Variants in COL11A1 observed in about 807,000 individuals in gnomAD.
The protein encoded by COL11A1 is collagen type XI alpha 1 chain.
A neutral mutation model predicts 265.2 loss-of-function variants in COL11A1; 74 were observed. The ratio of observed to expected loss-of-function variants is 0.28; its 90% CI spans 0.23 to 0.34. The LOEUF is 0.34. Ranked by LOEUF, COL11A1 falls within the 10% of genes least tolerant of loss-of-function variation. The pLI, the probability that COL11A1 is intolerant of heterozygous loss-of-function variation, is 1.00. For synonymous variants in COL11A1, 816 were observed against 727.6 expected (o/e 1.12, Z -1.96); for missense variants, 2,165 against 2,263.6 (o/e 0.96, Z 0.88).
At chr1:102,978,185 C>G (rs922642176) in intron 35 of COL11A1, among the ~76,000 whole-genome samples, 1 of 152,062 alleles carries the variant, frequency 6.6e-6, no homozygotes, top group Non-Finnish European at 1.5e-5. Context: ...AAAGGGCATG[C>G]TTGTTCATAT....
chr1:102,940,350 A>G lies in COL11A1; in HGVS notation c.3361T>C (p.Ser1121Pro). The G allele has an allele frequency of 6.2e-7, 1 of 1,613,858 alleles. No homozygotes were observed. The highest frequency in any genetic ancestry group is 8.5e-7 in the Non-Finnish European group (1 of 1,179,856). The change falls in exon 43 of 67, where the codon TCC becomes CCC. Residue 1121 changes from serine (S) to proline (P), a missense_variant. Physicochemically the swap from Ser to Pro is moderately conservative, Grantham distance 74. Transcript: ENST00000370096. Reference sequence around the variant, plus strand: ...ACCTTGTCTCCGTCTTCCCCAGGGGAGCCGGCAGGACCAGCTGGCCCTGGG... The same window carrying G: ...ACCTTGTCTCCGTCTTCCCCAGGGGGGCCGGCAGGACCAGCTGGCCCTGGG... ...GLPGPAGPAG[S>P]PGEDGDKGEI...
At chr1:102,993,892 G>A (rs553096543) in intron 28 of COL11A1, among the ~76,000 whole-genome samples, 1 of 152,108 alleles carries the variant, frequency 6.6e-6, no homozygotes, top group South Asian at 2.1e-4. Flanking sequence ...TTGATCTATG[G>A]TTTATTGAAT....
intron 28 of COL11A1, among the ~76,000 whole-genome samples, chr1:102,991,033 AAAAAC>A (rs997298010): frequency 6.6e-6 from 1 of 152,074 alleles, no homozygotes; most frequent in African/African-American, 2.4e-5. Flanking sequence ...ACTCCATCTC[AAAAAC>A]AAAACAAAAC....
chr1:102,931,558 A>T (rs138751956), intron 46 of COL11A1, among the ~76,000 whole-genome samples: 9,022 of 152,180 alleles, frequency 0.059, 324 homozygotes, highest in Non-Finnish European at 0.085. Context: ...GCTGAAAAAA[A>T]TGTATATTCT....
At chr1:102,899,963 T>C (rs1652979369) in intron 54 of COL11A1, among the ~76,000 whole-genome samples, 1 of 152,128 alleles carries the variant, frequency 6.6e-6, no homozygotes, top group Non-Finnish European at 1.5e-5. Flanking sequence ...CAACGTGCAT[T>C]GCTTCAGTGA....
chr1:102,967,368 G>GT (rs1490701576), intron 37 of COL11A1, among the ~76,000 whole-genome samples: 1 of 147,524 alleles, frequency 6.8e-6, no homozygotes, highest in Admixed American at 6.9e-5. Context: ...AGCCTCCAGA[G>GT]TAGCTGGGAC....
Position 103,026,209 on chromosome 1 carries a change from T to G in COL11A1, c.897+7A>C. ...CACCACATACACAGGCACTGCTTTG[T>G]TTTTACCTCCGTCTGTGCTATTGTC... On this transcript the variant is annotated splice_region_variant and intron_variant, in intron 6 of 66. Transcript: ENST00000370096. 1 of 1,598,314 alleles carries G rather than the reference T, an allele frequency of 6.3e-7. No homozygotes were observed.
intron 54 of COL11A1, among the ~76,000 whole-genome samples, chr1:102,902,652 G>T (rs913363632): frequency 2.0e-5 from 3 of 151,562 alleles, no homozygotes; most frequent in Non-Finnish European, 2.9e-5. Context: ...TACTTGGAAG[G>T]CACAGTTTTG....
At chr1:102,900,938 T>A (rs1243883997) in intron 54 of COL11A1, among the ~76,000 whole-genome samples, 1 of 152,120 alleles carries the variant, frequency 6.6e-6, no homozygotes, top group Non-Finnish European at 1.5e-5. Context: ...GCAGATATAC[T>A]TTTCCTGAGA....
intron 4 of COL11A1, among the ~76,000 whole-genome samples, chr1:103,036,163 T>C (rs983812077): frequency 6.6e-6 from 1 of 151,470 alleles, no homozygotes; most frequent in African/African-American, 2.4e-5. Flanking sequence ...CTACTTGGAA[T>C]TGTGCATCAC....
intron 1 of COL11A1, among the ~76,000 whole-genome samples, chr1:103,088,568 A>G (rs1311538834): frequency 6.6e-6 from 1 of 152,224 alleles, no homozygotes; most frequent in Admixed American, 6.5e-5. Context: ...TCATAAAGAA[A>G]GTTTTTATTG....
intron 1 of COL11A1, among the ~76,000 whole-genome samples, chr1:103,083,704 A>G (rs963030322): frequency 6.6e-6 from 1 of 152,174 alleles, no homozygotes; most frequent in African/African-American, 2.4e-5. Flanking sequence ...TCTATATGTA[A>G]TTTATCGATT....
rs546942049 is a variant in COL11A1 at position 103,079,760 on chromosome 1, G to A, written c.275-889C>T. Among the ~76,000 whole-genome samples the A allele has an allele frequency of 4.6e-4, 70 of 152,028 alleles. No homozygotes were observed. In the South Asian group the frequency reaches 0.013, roughly 29 times the overall value. The stretch of plus-strand genomic sequence containing the variant: ...GAAATGAGATGCCTTTAGTTGAAAA[G>A]TTGTCTTTTTGCAAAACCATTGTGT... On this transcript the variant is annotated intron_variant, in intron 2 of 66. Coordinates refer to ENST00000370096, the MANE Select transcript of COL11A1 (RefSeq NM_001854.4).
chr1:102,986,083 A>C (rs1315216279), intron 30 of COL11A1, among the ~76,000 whole-genome samples: 1 of 152,070 alleles, frequency 6.6e-6, no homozygotes, highest in Admixed American at 6.6e-5. Context: ...CTGAGATAGA[A>C]CGGTGGGGGC....
chr1:103,021,920 T>C, intron 8 of COL11A1, 151 bp from the exon 9 acceptor site: 1 of 654,472 alleles, frequency 1.5e-6, no homozygotes, highest in East Asian at 2.7e-5. Context: ...CGATCTCCGC[T>C]CACTGCAAGC....
intron 46 of COL11A1, among the ~76,000 whole-genome samples, chr1:102,928,912 C>G (rs1485600725): frequency 3.2e-5 from 2 of 61,724 alleles, no homozygotes; most frequent in Non-Finnish European, 9.8e-5. Context: ...AGTGTCTGTT[C>G]ATGTCCTTTG....
At chr1:103,012,383 A>G (rs753067224) in intron 14 of COL11A1, 30 bp downstream of exon 14, 6 of 1,586,798 alleles carry the variant, frequency 3.8e-6, no homozygotes, top group Non-Finnish European at 5.2e-6. Flanking sequence ...GAAAATTTTA[A>G]CATATATTAT....
Position 102,928,563 on chromosome 1 carries a change from G to A in COL11A1, c.3601-5174C>T, listed in dbSNP as rs138515643. 1.9e-4 allele frequency among the ~76,000 whole-genome samples: 29 copies of A among 152,112 alleles called. 1 individual carries two copies. The highest frequency in any genetic ancestry group is 6.3e-4 in the African/African-American group (26 of 41,518). ...GTCAATAGTGCTACAATAAACATAC[G>A]TGTGCATGTACAGCAGCATGATTTC... On this transcript the variant is annotated intron_variant, in intron 46 of 66. Transcript: ENST00000370096.
Position 103,108,159 on chromosome 1 carries a change from C to G in COL11A1, c.20G>C (p.Arg7Thr). ...CCAGAGCCACCGTTTCGTTTTCCACCTAGAGGACCACGGCTCCATCTCCGA... is the reference window on the plus strand; with the variant it reads ...CCAGAGCCACCGTTTCGTTTTCCACGTAGAGGACCACGGCTCCATCTCCGA... MEPWSS[R>T]WKTKRWLWDF... Residue 7 changes from arginine (R) to threonine (T), a missense_variant, in exon 1 of 67, where the codon AGG becomes ACG. Physicochemically the swap from Arg to Thr is moderately conservative, Grantham distance 71. Coordinates refer to ENST00000370096, the MANE Select transcript of COL11A1 (RefSeq NM_001854.4). 1 of 1,613,824 alleles carries G rather than the reference C, an allele frequency of 6.2e-7. No individual in the cohort carries two copies. The highest frequency in any genetic ancestry group is 8.5e-7 in the Non-Finnish European group (1 of 1,179,960).
Sources: allele counts gnomAD v4.1 joint callset (sites outside exome capture counted in the v4.1 genomes callset), GRCh38; gene constraint gnomAD v4.1.1; transcripts MANE v1.5; gene names NCBI Gene and HGNC (gene_info 2026-07-23, HGNC 2026-07-21).